The following STK31 variants were observed in gnomAD, a reference collection of about 807,000 sequenced individuals.
STK31 encodes the protein serine/threonine-protein kinase 31.
Under a neutral mutation model 129.7 loss-of-function variants are expected in STK31, and 89 were observed. That is an observed-to-expected ratio of 0.69 (90% CI 0.58 to 0.82). The LOEUF (loss-of-function observed/expected upper bound fraction) is 0.82, where lower values mean the gene tolerates loss of function less well. Ranked by LOEUF, STK31 falls within the 40% of genes least tolerant of loss-of-function variation. The pLI is 0.00. For synonymous variants in STK31, 448 were observed against 395.3 expected, an observed-to-expected ratio of 1.13 and a Z score of -1.58; for missense variants, 1,187 against 1,176.4, an observed-to-expected ratio of 1.01 and a Z score of -0.13.
intron 10 of STK31, among the ~76,000 whole-genome samples, chr7:23,756,229 T>C (rs1789075198): frequency 6.6e-6 from 1 of 152,204 alleles, no homozygotes; most frequent in African/African-American, 2.4e-5. Flanking sequence ...ATTAGCTGTA[T>C]TCCTAGGTAT....
chr7:23,798,964 C>T (rs906192256), intron 22 of STK31, among the ~76,000 whole-genome samples: 5 of 151,944 alleles, frequency 3.3e-5, no homozygotes, highest in Non-Finnish European at 5.9e-5. Context: ...AGACAAAGAG[C>T]CAAATCATGA....
chr7:23,796,428 A>G (rs371290791), intron 22 of STK31, among the ~76,000 whole-genome samples: 3 of 151,870 alleles, frequency 2.0e-5, no homozygotes, highest in East Asian at 3.9e-4. Context: ...TATTCCACCT[A>G]TTTCCTTTAA....
chr7:23,719,986 A>G (rs1359509304), intron 4 of STK31, among the ~76,000 whole-genome samples: 1 of 152,138 alleles, frequency 6.6e-6, no homozygotes, highest in Non-Finnish European at 1.5e-5. Flanking sequence ...ACTAGTAAAT[A>G]TGTTACATTG....
chr7:23,785,034 C>T (rs1791180029), intron 17 of STK31, among the ~76,000 whole-genome samples: 1 of 152,076 alleles, frequency 6.6e-6, no homozygotes, highest in Non-Finnish European at 1.5e-5. Flanking sequence ...TTTGTGGTTA[C>T]ATGGATAAGT....
chr7:23,779,862 C>G (rs1481161520), intron 15 of STK31, among the ~76,000 whole-genome samples: 1 of 152,148 alleles, frequency 6.6e-6, no homozygotes, highest in Non-Finnish European at 1.5e-5. Context: ...GTCTTGCTGG[C>G]ATTCCAGGTG....
intron 4 of STK31, among the ~76,000 whole-genome samples, chr7:23,718,810 T>C (rs1413791225): frequency 6.6e-6 from 1 of 152,112 alleles, no homozygotes; most frequent in African/African-American, 2.4e-5. Flanking sequence ...GTGAAATCCT[T>C]ATATAAGTCT....
At chr7:23,720,082 TG>T (rs970281409) in intron 4 of STK31, among the ~76,000 whole-genome samples, 1 of 152,198 alleles carries the variant, frequency 6.6e-6, no homozygotes, top group African/African-American at 2.4e-5. Flanking sequence ...TTTTTATCAC[TG>T]ATAAGCTACA....
chr7:23,791,827 C>T (rs1371195664), intron 22 of STK31, among the ~76,000 whole-genome samples: 1 of 152,126 alleles, frequency 6.6e-6, no homozygotes, highest in Non-Finnish European at 1.5e-5. Flanking sequence ...GCCCAGGGGC[C>T]AGCAAGCATT....
At chr7:23,727,451 T>G in intron 5 of STK31, 136 bp downstream of exon 5, 1 of 665,858 alleles carries the variant, frequency 1.5e-6, no homozygotes, top group Non-Finnish European at 2.6e-6. Flanking sequence ...ACAGAAGAAA[T>G]TAATTGCTAA....
chr7:23,794,205 G>T (rs1411811690), intron 22 of STK31, among the ~76,000 whole-genome samples: 1 of 152,196 alleles, frequency 6.6e-6, no homozygotes, highest in Non-Finnish European at 1.5e-5. Flanking sequence ...GGGGTCAGGT[G>T]GAGATAATTG....
intron 22 of STK31, among the ~76,000 whole-genome samples, chr7:23,812,723 T>C (rs554160411): frequency 1.3e-5 from 2 of 152,136 alleles, no homozygotes; most frequent in East Asian, 3.9e-4. Context: ...TGTGTCCATA[T>C]GCACATTTTA....
chr7:23,754,317 A>C lies in STK31; in HGVS notation c.1136A>C (p.His379Pro). The C allele has an allele frequency of 6.2e-7, 1 of 1,602,386 alleles. No individual in the cohort carries two copies. Among genetic ancestry groups the C allele is most frequent in the Admixed American group, 1.8e-5 (1 of 56,148 alleles). Residue 379 changes from histidine (H) to proline (P), a missense_variant and splice_region_variant, in exon 10 of 24, where the codon CAT becomes CCT. His to Pro is a moderately conservative substitution (Grantham distance 77). Transcript: ENST00000355870. ...CTTTTTGATGTTTTTAAAAATAGGC[A>C]TGTCGACATCAGTGTCCGTTTCGGA... ...AKMEILKEMR[H>P]VDISVRFGKD...
intron 10 of STK31, among the ~76,000 whole-genome samples, chr7:23,761,489 C>T (rs1205829155): frequency 1.3e-5 from 2 of 149,244 alleles, no homozygotes; most frequent in South Asian, 2.1e-4. Context: ...GGTGTGATCT[C>T]GGCTCACTGC....
In STK31 at chr7:23,710,225, G is replaced by A. The variant is rs1364552252; in HGVS notation, c.-61G>A. On this transcript the variant is annotated 5_prime_UTR_variant, in exon 1 of 24. Coordinates refer to ENST00000355870, the MANE Select transcript of STK31 (RefSeq NM_031414.5). ...GGCGCAGTGTGGGGCCCTTGCGGTC[G>A]AAGCTCACGCGGTAAGCCGCTGCAC... 2.5e-6 allele frequency: 4 copies of A among 1,611,192 alleles called. No individual in the cohort carries two copies. The highest frequency in any genetic ancestry group is 2.7e-5 in the African/African-American group (2 of 74,874).
intron 23 of STK31, among the ~76,000 whole-genome samples, chr7:23,815,441 A>T (rs539719131): frequency 6.6e-6 from 1 of 152,290 alleles, no homozygotes; most frequent in Admixed American, 6.5e-5. Context: ...TCTAACAATT[A>T]GGGAAGAATA....
At chr7:23,811,314 C>T in intron 22 of STK31, 2 of 419,452 alleles carry the variant, frequency 4.8e-6, no homozygotes, top group Non-Finnish European at 9.4e-6. Context: ...GCAGCTTCTG[C>T]CATAAAAGGT....
At chr7:23,739,893 G>T (rs991220100) in intron 8 of STK31, among the ~76,000 whole-genome samples, 1 of 152,148 alleles carries the variant, frequency 6.6e-6, no homozygotes, top group Non-Finnish European at 1.5e-5. Context: ...AGTATAGTTT[G>T]AAGTCAGATA....
intron 4 of STK31, among the ~76,000 whole-genome samples, chr7:23,723,210 C>G (rs62468593): frequency 0.25 from 38,588 of 152,120 alleles, 5,297 homozygotes; most frequent in East Asian, 0.4. Context: ...CCTCTCTCTC[C>G]TCTTTTCTTT....
chr7:23,779,381 G>A (rs762335485), intron 15 of STK31, among the ~76,000 whole-genome samples: 2 of 152,184 alleles, frequency 1.3e-5, no homozygotes, highest in Non-Finnish European at 2.9e-5. Flanking sequence ...TGGGAGATCC[G>A]CTGCTCTCTT....
Sources: gnomAD v4.1 joint callset for allele counts (sites outside exome capture counted in the v4.1 genomes callset) on GRCh38, gnomAD v4.1.1 for gene constraint, MANE v1.5 for transcripts, NCBI Gene and HGNC (gene_info 2026-07-23, HGNC 2026-07-21) for gene names.